Variants in TSPAN8 observed in about 807,000 individuals in gnomAD.
TSPAN8 encodes tetraspanin-8.
TSPAN8 carries 21 observed loss-of-function variants against 32.8 expected under a neutral mutation model. The ratio of observed to expected loss-of-function variants is 0.64; its 90% CI spans 0.45 to 0.92. TSPAN8 has a LOEUF of 0.92. Among genes scored for constraint, TSPAN8 ranks in the 40% least tolerant of loss-of-function variants. The pLI is 0.00. For missense variants in TSPAN8, 269 were observed against 281.9 expected (o/e 0.95, Z 0.33); for synonymous variants, 95 against 94.6 (o/e 1.00, Z -0.03).
At chr12:71,153,925 GT>G (rs1156990711) in intron 2 of TSPAN8, among the ~76,000 whole-genome samples, 1 of 152,144 alleles carries the variant, frequency 6.6e-6, no homozygotes, top group Non-Finnish European at 1.5e-5. Context: ...ACCAAGGCAC[GT>G]TAGTTAGAAA....
rs1428949141 is a variant in TSPAN8 at position 71,125,347 on chromosome 12, A to G, written c.701T>C (p.Ile234Thr). Residue 234 changes from isoleucine to threonine, a missense_variant, in exon 9 of 9, where the codon ATC becomes ACC. Physicochemically the swap from Ile to Thr is moderately conservative, Grantham distance 89. Coordinates refer to ENST00000247829, the MANE Select transcript of TSPAN8 (RefSeq NM_004616.3). ...GCATCCACAGATTCATTTGTTCCCGATCTGGCAATACAGGACCATAGAAAA... is the reference window on the plus strand; with the variant it reads ...GCATCCACAGATTCATTTGTTCCCGGTCTGGCAATACAGGACCATAGAAAA... ...LVFSMVLYCQ[I>T]GNK 1 of 1,612,708 alleles carries G rather than the reference A, an allele frequency of 6.2e-7. No homozygotes were observed. The highest frequency in any genetic ancestry group is 2.2e-5 in the East Asian group (1 of 44,858).
Position 71,137,968 on chromosome 12 carries a change from A to G in TSPAN8, c.429T>C (p.Ile143=), listed in dbSNP as rs748131978. The G allele has an allele frequency of 1.2e-6, 2 of 1,613,414 alleles. No homozygotes were observed. Among genetic ancestry groups the G allele is most frequent in the Non-Finnish European group, 8.5e-7 (1 of 1,179,860 alleles). ...TTCTAATTACCTCTTCTTGAAACACAATTATGGCTTCCTGGAATTGTTTTT... is the reference window on the plus strand; with the variant it reads ...TTCTAATTACCTCTTCTTGAAACACGATTATGGCTTCCTGGAATTGTTTTT... ...ESEKQFQEAI[I]VFQEEFKCCG... is the part of the protein sequence containing the mutation. The change falls in exon 6 of 9, where the codon ATT becomes ATC. Residue 143 remains isoleucine (I), a synonymous_variant. Coordinates refer to ENST00000247829, the MANE Select transcript of TSPAN8 (RefSeq NM_004616.3).
chr12:71,135,281 G>T (rs1347605880), intron 6 of TSPAN8, among the ~76,000 whole-genome samples: 1 of 127,386 alleles, frequency 7.9e-6, no homozygotes, highest in African/African-American at 2.9e-5. Context: ...GGAGAAGGAA[G>T]AAGAAGAAGA....
At chr12:71,134,618 C>T (rs1871621612) in intron 6 of TSPAN8, among the ~76,000 whole-genome samples, 1 of 152,146 alleles carries the variant, frequency 6.6e-6, no homozygotes, top group South Asian at 2.1e-4. Flanking sequence ...TTCCTGTTCC[C>T]ATGGTAGACA....
chr12:71,132,560 T>C (rs1871549530), intron 7 of TSPAN8, 133 bp downstream of exon 7: 1 of 1,101,662 alleles, frequency 9.1e-7, no homozygotes, highest in Non-Finnish European at 1.3e-6. Flanking sequence ...ATTTTTTTAA[T>C]TTGGGAAATT....
chr12:71,139,728 G>C lies in TSPAN8; in HGVS notation c.244C>G (p.Arg82Gly). 1 of 1,613,600 alleles carries C rather than the reference G, an allele frequency of 6.2e-7. No homozygotes were observed. Among genetic ancestry groups the C allele is most frequent in the Non-Finnish European group, 8.5e-7 (1 of 1,179,734 alleles). Residue 82 changes from arginine (R) to glycine (G), a missense_variant, in exon 4 of 9, where the codon CGC (arginine) becomes GGC (glycine). Physicochemically the swap from Arg to Gly is moderately radical, Grantham distance 125. Coordinates refer to ENST00000247829, the MANE Select transcript of TSPAN8 (RefSeq NM_004616.3). ...LGCCGAIKES[R>G]CMLLLFFIGL... The stretch of plus-strand genomic sequence containing the variant: ...GAACTCACCAACAGAAGCATGCAGC[G>C]ACTTTCTTTTATAGCACCGCAGCAT...
rs964945440 is a variant in TSPAN8, at chr12:71,157,798, G to T, written c.-109-11C>A. 2 of 722,790 alleles carry T rather than the reference G, an allele frequency of 2.8e-6. No individual in the cohort carries two copies. The highest frequency in any genetic ancestry group is 1.8e-5 in the African/African-American group (1 of 56,426). The allele number at this position is 722,790 out of a possible 1,614,324, so 44.8% of individuals were successfully genotyped here. A position where few individuals can be genotyped will look rare whatever the true frequency, so the allele number is the denominator to read the frequency against. On this transcript the variant is annotated splice_polypyrimidine_tract_variant and intron_variant, in intron 1 of 8. Coordinates refer to ENST00000247829, the MANE Select transcript of TSPAN8 (RefSeq NM_004616.3). Reference sequence around the variant, plus strand: ...TTTCTGTATCCACGGCTTCAGAGCAGAAAGAGAAAGCAAAGAAGTAGAGGG... The same window carrying T: ...TTTCTGTATCCACGGCTTCAGAGCATAAAGAGAAAGCAAAGAAGTAGAGGG...
intron 4 of TSPAN8, chr12:71,139,010 T>G: frequency 2.4e-6 from 1 of 423,686 alleles, no homozygotes. Context: ...ACTGTATATG[T>G]TAAAAGTGAA....
chr12:71,132,380 A>C (rs915260934), intron 7 of TSPAN8, among the ~76,000 whole-genome samples: 4 of 152,216 alleles, frequency 2.6e-5, no homozygotes. Flanking sequence ...AAAAAATAAA[A>C]GAGAATAATG....
At chr12:71,152,042 G>C (rs530427150) in intron 2 of TSPAN8, among the ~76,000 whole-genome samples, 1 of 152,316 alleles carries the variant, frequency 6.6e-6, no homozygotes, top group East Asian at 1.9e-4. Flanking sequence ...ACGATGTTTG[G>C]AATCAGGAAA....
intron 4 of TSPAN8, among the ~76,000 whole-genome samples, chr12:71,138,434 G>A (rs1056634712): frequency 2.6e-5 from 4 of 152,100 alleles, no homozygotes; most frequent in Non-Finnish European, 5.9e-5. Context: ...GACTGATCGA[G>A]GAAAGTGGTT....
At chr12:71,142,232 T>G (rs1426457432) in intron 3 of TSPAN8, among the ~76,000 whole-genome samples, 2 of 152,194 alleles carry the variant, frequency 1.3e-5, no homozygotes, top group African/African-American at 4.8e-5. Context: ...TGTGAGAGGC[T>G]GATGAAGCGT....
intron 2 of TSPAN8, among the ~76,000 whole-genome samples, chr12:71,149,034 C>T (rs909611941): frequency 3.3e-5 from 5 of 152,130 alleles, no homozygotes; most frequent in Non-Finnish European, 1.5e-5. Context: ...ATATCTTTCA[C>T]TTGTTCAACA....
intron 2 of TSPAN8, 145 bp downstream of exon 2, chr12:71,157,474 G>T: frequency 1.7e-6 from 1 of 582,902 alleles, no homozygotes; most frequent in Non-Finnish European, 3.0e-6. Flanking sequence ...ACCAAAGAAA[G>T]AACAAACAAA....
intron 2 of TSPAN8, among the ~76,000 whole-genome samples, chr12:71,147,941 G>C (rs1872128651): frequency 6.6e-6 from 1 of 152,092 alleles, no homozygotes; most frequent in Non-Finnish European, 1.5e-5. Context: ...AATTAATGGA[G>C]TTTGCATTTA....
intron 2 of TSPAN8, among the ~76,000 whole-genome samples, chr12:71,156,250 CAAA>C (rs763217771): frequency 8.2e-5 from 2 of 24,376 alleles, no homozygotes; most frequent in African/African-American, 2.3e-4. Context: ...CAAAGTTCTC[CAAA>C]AAAAAAAAAA....
In TSPAN8 at chr12:71,129,460, G is replaced by A. The variant is rs751203537; in HGVS notation, c.577-46C>T. 14 of 1,487,782 alleles carry A rather than the reference G, an allele frequency of 9.4e-6. No homozygotes were observed. In the Admixed American group the frequency reaches 1.5e-4, roughly 16 times the overall value. The allele number at this position is 1,487,782 out of a possible 1,614,324, so 92.2% of individuals were successfully genotyped here. A position where few individuals can be genotyped will look rare whatever the true frequency, so the allele number is the denominator to read the frequency against. ...TAAAAGTTACCTCTCAGAAAAATTC[G>A]ACCTTATATTAATCAAAATTTTTAT... is the stretch of plus-strand genomic sequence containing the variant. On this transcript the variant is annotated intron_variant, in intron 7 of 8. Coordinates refer to ENST00000247829, the MANE Select transcript of TSPAN8 (RefSeq NM_004616.3).
intron 3 of TSPAN8, among the ~76,000 whole-genome samples, chr12:71,140,844 C>T (rs1301531866): frequency 6.6e-6 from 1 of 152,196 alleles, no homozygotes; most frequent in Admixed American, 6.5e-5. Flanking sequence ...ATCTACTGGG[C>T]TGTCTCTAGA....
At chr12:71,126,645 T>C (rs1026482995) in intron 8 of TSPAN8, among the ~76,000 whole-genome samples, 16 of 152,178 alleles carry the variant, frequency 1.1e-4, no homozygotes, top group Admixed American at 2.6e-4. Flanking sequence ...TGCTAAGAGG[T>C]ATGCAGCAGT....
Sources: allele counts gnomAD v4.1 joint callset (sites outside exome capture counted in the v4.1 genomes callset), GRCh38; gene constraint gnomAD v4.1.1; transcripts MANE v1.5; gene names NCBI Gene and HGNC (gene_info 2026-07-23, HGNC 2026-07-21).